Variants in GRIK2 observed in about 807,000 individuals in gnomAD.
GRIK2 encodes glutamate receptor ionotropic, kainate 2.
In GRIK2, 32 loss-of-function variants were observed where a neutral mutation model predicts 100.3. The ratio of observed to expected loss-of-function variants is 0.32; its 90% CI spans 0.24 to 0.43. GRIK2 has a LOEUF of 0.43. GRIK2 is among the 20% of genes least tolerant of loss of function. The pLI, the probability that GRIK2 is intolerant of heterozygous loss-of-function variation, is 1.00. For synonymous variants in GRIK2, 417 were observed against 389.4 expected (o/e 1.07, Z -0.83); for missense variants, 843 against 1,114.9 (o/e 0.76, Z 3.47).
intron 14 of GRIK2, among the ~76,000 whole-genome samples, chr6:101,948,791 G>A (rs1445133228): frequency 6.6e-6 from 1 of 151,718 alleles, no homozygotes; most frequent in Non-Finnish European, 1.5e-5. Flanking sequence ...GGGTTTTAAA[G>A]CAAAACAAGA....
intron 11 of GRIK2, among the ~76,000 whole-genome samples, chr6:101,863,529 A>C (rs1026981738): frequency 1.3e-5 from 2 of 152,142 alleles, no homozygotes; most frequent in African/African-American, 2.4e-5. Context: ...TTATTACTTG[A>C]AATTCTTTGT....
intron 15 of GRIK2, among the ~76,000 whole-genome samples, chr6:102,039,161 T>C (rs1335224082): frequency 1.3e-5 from 2 of 151,520 alleles, no homozygotes; most frequent in African/African-American, 4.8e-5. Context: ...TGATCATTAC[T>C]GCCCAAAGTG....
At chr6:101,819,621 C>T (rs577575863) in intron 10 of GRIK2, among the ~76,000 whole-genome samples, 32 of 152,234 alleles carry the variant, frequency 2.1e-4, no homozygotes, top group Admixed American at 1.7e-3. Flanking sequence ...CTCCCATACC[C>T]ACCAACCTAG....
intron 7 of GRIK2, among the ~76,000 whole-genome samples, chr6:101,795,003 T>A (rs1780193754): frequency 6.6e-6 from 1 of 151,940 alleles, no homozygotes. Context: ...GTAGCTGGAA[T>A]TACAGGCCCA....
intron 2 of GRIK2, among the ~76,000 whole-genome samples, chr6:101,420,417 A>C (rs1776356703): frequency 2.6e-5 from 4 of 152,204 alleles, no homozygotes; most frequent in Admixed American, 2.6e-4. Flanking sequence ...TGAAATTGCT[A>C]ATATTTGGAC....
chr6:101,526,486 C>T (rs1263859024), intron 2 of GRIK2, among the ~76,000 whole-genome samples: 1 of 152,082 alleles, frequency 6.6e-6, no homozygotes, highest in African/African-American at 2.4e-5. Flanking sequence ...AATCAAAAAT[C>T]ACAAAATGTA....
At chr6:101,452,338 T>C (rs1770753954) in intron 2 of GRIK2, among the ~76,000 whole-genome samples, 1 of 151,884 alleles carries the variant, frequency 6.6e-6, no homozygotes, top group Non-Finnish European at 1.5e-5. Flanking sequence ...TTCTCAAGCT[T>C]GGCTGCATAT....
At chr6:101,538,235 T>A (rs1395002217) in intron 2 of GRIK2, among the ~76,000 whole-genome samples, 1 of 151,612 alleles carries the variant, frequency 6.6e-6, no homozygotes, top group Admixed American at 6.6e-5. Context: ...AATCTAATTT[T>A]AGTGATGGCA....
At chr6:101,920,577 C>G (rs1789422456) in intron 12 of GRIK2, among the ~76,000 whole-genome samples, 1 of 151,794 alleles carries the variant, frequency 6.6e-6, no homozygotes. Context: ...TATAGATATC[C>G]TCCATGAAGA....
intron 2 of GRIK2, among the ~76,000 whole-genome samples, chr6:101,436,329 A>G (rs1438332604): frequency 6.6e-6 from 1 of 151,998 alleles, no homozygotes; most frequent in East Asian, 1.9e-4. Flanking sequence ...GTGATTCAGG[A>G]TAGTGCACAA....
chr6:101,432,501 C>T (rs571649590), intron 2 of GRIK2, among the ~76,000 whole-genome samples: 49 of 152,196 alleles, frequency 3.2e-4, no homozygotes, highest in Admixed American at 2.7e-3. Context: ...ATTTATTGAA[C>T]GCCTAACAGG....
chr6:101,711,578 G>A (rs550579349), intron 7 of GRIK2, among the ~76,000 whole-genome samples: 1 of 151,724 alleles, frequency 6.6e-6, no homozygotes, highest in African/African-American at 2.4e-5. Context: ...TACTTCCTTG[G>A]GAAACAAGTG....
intron 14 of GRIK2, among the ~76,000 whole-genome samples, chr6:102,003,466 A>G (rs1231628095): frequency 6.6e-6 from 1 of 151,780 alleles, no homozygotes; most frequent in African/African-American, 2.4e-5. Flanking sequence ...ATTGTAATAA[A>G]CATACTACAA....
intron 15 of GRIK2, among the ~76,000 whole-genome samples, chr6:102,047,843 A>AAAAT (rs1770976047): frequency 6.6e-6 from 1 of 152,100 alleles, no homozygotes; most frequent in African/African-American, 2.4e-5. Flanking sequence ...TTTCTCATAA[A>AAAAT]AAATAGAAAA....
chr6:101,675,281 G>T (rs553501034), intron 4 of GRIK2, among the ~76,000 whole-genome samples: 1 of 136,672 alleles, frequency 7.3e-6, no homozygotes, highest in Non-Finnish European at 1.6e-5. Context: ...ACGCACACGC[G>T]CACGCACACG....
rs1294734572 is a variant in GRIK2 at position 102,069,939 on chromosome 6, T to C, written c.*1428T>C. On this transcript the variant is annotated 3_prime_UTR_variant, in exon 17 of 17. Transcript: ENST00000369134. ...GGTTTCCACGAGGCTGACAACATAC[T>C]GTAATGAACAATTGTGTGTAAAATG... is the stretch of plus-strand genomic sequence containing the variant. The C allele has an allele frequency of 6.6e-6, 1 of 152,050 alleles. No homozygotes were observed. Among genetic ancestry groups the C allele is most frequent in the Non-Finnish European group, 1.5e-5 (1 of 67,988 alleles). 9.4% of individuals were successfully genotyped at this position (152,050 alleles called of 1,614,324 possible). A position where few individuals can be genotyped will look rare whatever the true frequency, so the allele number is the denominator to read the frequency against.
rs202063345 is a variant in GRIK2 at position 101,473,097 on chromosome 6, T to TTTCCTTCCTTCCTTCC, written c.115+73745_115+73760dup. 3.2e-3 allele frequency among the ~76,000 whole-genome samples: 424 copies of TTTCCTTCCTTCCTTCC among 133,306 alleles called. 3 individuals are homozygous for TTTCCTTCCTTCCTTCC. Among genetic ancestry groups the TTTCCTTCCTTCCTTCC allele is most frequent in the Admixed American group, 8.9e-3 (114 of 12,740 alleles). The allele number at this position is 133,306 out of a possible 152,430, so 87.5% of individuals were successfully genotyped here. A position where few individuals can be genotyped will look rare whatever the true frequency, so the allele number is the denominator to read the frequency against. The stretch of plus-strand genomic sequence containing the variant: ...GGCAGAAAAACAATGAATCCTAGGT[T>TTTCCTTCCTTCCTTCC]TTCCTTCCTTCCTTCCTTCCTTCCT... On this transcript the variant is annotated intron_variant, in intron 2 of 16. Coordinates refer to ENST00000369134, the MANE Select transcript of GRIK2 (RefSeq NM_021956.5).
Position 101,651,604 on chromosome 6 carries a change from G to T in GRIK2, c.541+24967G>T, listed in dbSNP as rs896300840. Among the ~76,000 whole-genome samples, 4 of 152,268 alleles carry T rather than the reference G, an allele frequency of 2.6e-5. No individual in the cohort carries two copies. In the East Asian group the frequency reaches 5.8e-4, roughly 22 times the overall value. On this transcript the variant is annotated intron_variant, in intron 4 of 16. Transcript: ENST00000369134. The stretch of plus-strand genomic sequence containing the variant: ...GGAGGGCTACAATTTTAAATAGGGT[G>T]GTCATGGGGGATGAGAGAGTAAGCC...
At chr6:101,612,176 T>G (rs1457373779) in intron 2 of GRIK2, among the ~76,000 whole-genome samples, 1 of 151,192 alleles carries the variant, frequency 6.6e-6, no homozygotes, top group Admixed American at 6.6e-5. Context: ...ATGCTAGACC[T>G]GTTTCACGGT....
Sources: gnomAD v4.1 joint callset for allele counts (sites outside exome capture counted in the v4.1 genomes callset) on GRCh38, gnomAD v4.1.1 for gene constraint, MANE v1.5 for transcripts, NCBI Gene and HGNC (gene_info 2026-07-23, HGNC 2026-07-21) for gene names.